Variants in NXN observed in about 807,000 individuals in gnomAD.
NXN encodes the protein nucleoredoxin 1.
Under a neutral mutation model 48.6 loss-of-function variants are expected in NXN, and 16 were observed. The observed-to-expected ratio is 0.33, with a 90% CI of 0.22 to 0.50. The LOEUF (loss-of-function observed/expected upper bound fraction) is 0.50. Ranked by LOEUF, NXN falls within the 20% of genes least tolerant of loss-of-function variation. The probability of loss-of-function intolerance (pLI) is 0.98; values close to 1 mark genes in which losing one functional copy is unlikely to be tolerated. For missense variants in NXN, 492 were observed against 605.5 expected, an observed-to-expected ratio of 0.81 and a Z score of 1.97; for synonymous variants, 281 against 269.6, an observed-to-expected ratio of 1.04 and a Z score of -0.41.
chr17:893,881 C>T (rs113284323), intron 1 of NXN, among the ~76,000 whole-genome samples: 3 of 65,212 alleles, frequency 4.6e-5, no homozygotes, highest in African/African-American at 2.2e-4. Context: ...CATCTCAACC[C>T]CCGGAAGCCA....
At chr17:873,950 T>C (rs1018408646) in intron 1 of NXN, among the ~76,000 whole-genome samples, 4 of 152,140 alleles carry the variant, frequency 2.6e-5, no homozygotes, top group African/African-American at 9.7e-5. Context: ...ATGGTCTTTT[T>C]CCAGCATCTG....
At chr17:861,022 G>C (rs572460887) in intron 1 of NXN, among the ~76,000 whole-genome samples, 1 of 152,362 alleles carries the variant, frequency 6.6e-6, no homozygotes, top group South Asian at 2.1e-4. Flanking sequence ...ATCACAGTGG[G>C]ATGAGAGGAA....
chr17:927,013 G>A (rs932285663), intron 1 of NXN, among the ~76,000 whole-genome samples: 6 of 150,380 alleles, frequency 4.0e-5, no homozygotes, highest in Non-Finnish European at 7.4e-5. Context: ...GAAAAGGGAG[G>A]TAAGAGAAGC....
chr17:858,937 G>A (rs1306034330), intron 1 of NXN, among the ~76,000 whole-genome samples: 1 of 152,124 alleles, frequency 6.6e-6, no homozygotes, highest in Non-Finnish European at 1.5e-5. Flanking sequence ...AGAGCAGGCA[G>A]GGGCCAATTT....
intron 1 of NXN, among the ~76,000 whole-genome samples, chr17:836,239 C>T (rs1399287400): frequency 6.6e-6 from 1 of 152,204 alleles, no homozygotes. Flanking sequence ...CCCCCGCATG[C>T]TAAGGACCAG....
chr17:937,656 T>C (rs933314483), intron 1 of NXN, among the ~76,000 whole-genome samples: 4 of 152,006 alleles, frequency 2.6e-5, no homozygotes, highest in Non-Finnish European at 5.9e-5. Context: ...CCAATTTCAC[T>C]CTTTTCTGCA....
chr17:887,735 A>G (rs1033713325), intron 1 of NXN, among the ~76,000 whole-genome samples: 16 of 152,066 alleles, frequency 1.1e-4, no homozygotes, highest in Non-Finnish European at 2.2e-4. Context: ...CTATGGCTTG[A>G]GGGGGAAAAA....
chr17:905,254 A>AATATATATATATAT (rs57643437), intron 1 of NXN: 2 of 128,610 alleles, frequency 1.6e-5, no homozygotes, highest in Admixed American at 7.6e-5. Flanking sequence ...TGTAAATGTA[A>AATATATATATATAT]ATATATATAT....
At chr17:857,934 C>T (rs9899854) in intron 1 of NXN, among the ~76,000 whole-genome samples, 3,664 of 152,026 alleles carry the variant, frequency 0.024, 131 homozygotes, top group African/African-American at 0.07. Context: ...GTTTCTCTAA[C>T]ACCTGCTCAT....
chr17:813,485 A>T (rs1466039204), intron 5 of NXN, among the ~76,000 whole-genome samples: 1 of 152,272 alleles, frequency 6.6e-6, no homozygotes, highest in East Asian at 1.9e-4. Flanking sequence ...CGAAGCGCTG[A>T]GAAGGCGCTT....
chr17:962,206 T>G (rs745595889), intron 1 of NXN, among the ~76,000 whole-genome samples: 7 of 152,202 alleles, frequency 4.6e-5, no homozygotes, highest in Non-Finnish European at 1.0e-4. Context: ...GAGAAGACTT[T>G]TGACATCATA....
chr17:807,364 C>T (rs539830913), intron 5 of NXN, among the ~76,000 whole-genome samples: 16 of 152,350 alleles, frequency 1.1e-4, no homozygotes, highest in Middle Eastern at 3.4e-3. Context: ...GCGTGTGCCC[C>T]GGCGTGGGAT....
At chr17:970,545 G>A (rs1821400728) in intron 1 of NXN, among the ~76,000 whole-genome samples, 2 of 152,260 alleles carry the variant, frequency 1.3e-5, no homozygotes, top group African/African-American at 4.8e-5. Context: ...GTTTCAAGCC[G>A]TTCAACTACC....
At chr17:901,246 TC>T (rs2068535089) in intron 1 of NXN, among the ~76,000 whole-genome samples, 1 of 49,630 alleles carries the variant, frequency 2.0e-5, no homozygotes, top group African/African-American at 7.2e-5. Context: ...CTCATTTGTA[TC>T]CAAAACCCCT....
At chr17:816,464 T>C (rs376437339) in intron 5 of NXN, among the ~76,000 whole-genome samples, 7 of 152,130 alleles carry the variant, frequency 4.6e-5, no homozygotes, top group East Asian at 1.9e-4. Context: ...CGGTTCCGTC[T>C]GCCGGGACCT....
intron 1 of NXN, among the ~76,000 whole-genome samples, chr17:912,876 C>T (rs1260218733): frequency 6.6e-6 from 1 of 152,016 alleles, no homozygotes; most frequent in African/African-American, 2.4e-5. Flanking sequence ...ATCGCTTGAA[C>T]CCGGGAGATG....
intron 1 of NXN, chr17:907,851 C>T (rs2068596020): frequency 6.6e-6 from 1 of 152,122 alleles, no homozygotes; most frequent in Non-Finnish European, 1.5e-5. Context: ...CCTCTCGAAA[C>T]CAGTTGCATC....
At chr17:815,212 C>T (rs1172192891) in intron 5 of NXN, among the ~76,000 whole-genome samples, 1 of 152,216 alleles carries the variant, frequency 6.6e-6, no homozygotes, top group African/African-American at 2.4e-5. Context: ...CACAGTTCAG[C>T]TGACATCCAT....
intron 1 of NXN, among the ~76,000 whole-genome samples, chr17:913,181 TAGG>T (rs1207776029): frequency 6.6e-6 from 1 of 152,172 alleles, no homozygotes; most frequent in Non-Finnish European, 1.5e-5. Context: ...AACTTCTTAT[TAGG>T]AGAAGTAAAA....
Sources: gnomAD v4.1 joint callset for allele counts (sites outside exome capture counted in the v4.1 genomes callset) on GRCh38, gnomAD v4.1.1 for gene constraint, MANE v1.5 for transcripts, NCBI Gene and HGNC (gene_info 2026-07-23, HGNC 2026-07-21) for gene names.